NUDT21: variants seen among roughly 807,000 people sequenced by gnomAD.
NUDT21 encodes the protein cleavage and polyadenylation specificity factor subunit 5.
A neutral mutation model predicts 29.8 loss-of-function variants in NUDT21; 5 were observed. The ratio of observed to expected loss-of-function variants is 0.17; its 90% CI spans 0.09 to 0.35. NUDT21 has a LOEUF of 0.35. NUDT21 is among the 10% of genes least tolerant of loss of function. NUDT21 has a pLI of 1.00. For synonymous variants in NUDT21, 113 were observed against 98.5 expected (o/e 1.15, Z -0.87); for missense variants, 76 against 276.0 (o/e 0.28, Z 5.13).
intron 3 of NUDT21, 148 bp downstream of exon 3, chr16:56,446,478 A>C (rs1596957646): frequency 3.8e-6 from 2 of 522,032 alleles, no homozygotes. Context: ...AACTTGTAAA[A>C]AAAAATCAAC....
rs1473687805 is a variant in NUDT21 at position 56,432,214 on chromosome 16, T to C, written c.*498A>G. 6.5e-6 allele frequency: 1 copy of C among 152,984 alleles called. No homozygotes were observed. Among genetic ancestry groups the C allele is most frequent in the Admixed American group, 6.5e-5 (1 of 15,396 alleles). The allele number at this position is 152,984 out of a possible 1,614,324, so 9.5% of individuals were successfully genotyped here. Reference sequence around the variant, plus strand: ...TGGGAGTTCTCTGCAACACAATTCATTTAGGAGTTGCACCTTGGACTCACT... The same window carrying C: ...TGGGAGTTCTCTGCAACACAATTCACTTAGGAGTTGCACCTTGGACTCACT... On this transcript the variant is annotated 3_prime_UTR_variant, in exon 7 of 7. Transcript: ENST00000300291.
intron 6 of NUDT21, 62 bp from the exon 7 acceptor site, chr16:56,432,795 T>G: frequency 1.6e-6 from 2 of 1,219,396 alleles, no homozygotes; most frequent in Admixed American, 2.1e-5. Flanking sequence ...CCATATTAGA[T>G]AAATAAATTT....
At chr16:56,439,599 T>G (rs1012422647) in intron 4 of NUDT21, 58 bp downstream of exon 4, 1 of 1,090,364 alleles carries the variant, frequency 9.2e-7, no homozygotes, top group Middle Eastern at 2.0e-4. Flanking sequence ...TTAAAGTGGC[T>G]AGAATTAAAC....
At chr16:56,439,563 C>T (rs1214271588) in intron 4 of NUDT21, 94 bp downstream of exon 4, 1 of 849,316 alleles carries the variant, frequency 1.2e-6, no homozygotes, top group African/African-American at 1.7e-5. Context: ...AAGAAAATTT[C>T]AAGTCAAATT....
intron 4 of NUDT21, among the ~76,000 whole-genome samples, chr16:56,438,719 A>C (rs1962129832): frequency 1.3e-5 from 2 of 151,982 alleles, no homozygotes; most frequent in African/African-American, 4.8e-5. Context: ...GGAAACAGCT[A>C]CATATTCAAC....
intron 4 of NUDT21, among the ~76,000 whole-genome samples, chr16:56,437,758 T>C (rs1417645450): frequency 6.6e-6 from 1 of 152,216 alleles, no homozygotes; most frequent in Non-Finnish European, 1.5e-5. Context: ...TGCTGCTTCC[T>C]GGAATCACCT....
chr16:56,450,317 G>A (rs1037482316), intron 1 of NUDT21, among the ~76,000 whole-genome samples: 5 of 152,208 alleles, frequency 3.3e-5, no homozygotes, highest in African/African-American at 1.2e-4. Context: ...CTGCTTCTGA[G>A]AATGACCTTG....
chr16:56,437,342 TA>T (rs1415381986), intron 4 of NUDT21, among the ~76,000 whole-genome samples: 1 of 152,184 alleles, frequency 6.6e-6, no homozygotes, highest in Non-Finnish European at 1.5e-5. Flanking sequence ...GTTCCACCAT[TA>T]GCAAAAATAG....
At chr16:56,436,112 C>CA (rs1241976688) in intron 4 of NUDT21, among the ~76,000 whole-genome samples, 5 of 148,686 alleles carry the variant, frequency 3.4e-5, no homozygotes, top group Admixed American at 6.7e-5. Context: ...TGACACAGAA[C>CA]AAAAAAAAAG....
intron 2 of NUDT21, among the ~76,000 whole-genome samples, chr16:56,447,320 T>G (rs1962230675): frequency 3.3e-5 from 5 of 152,216 alleles, no homozygotes; most frequent in Admixed American, 3.3e-4. Flanking sequence ...AAGAACGTCA[T>G]CTAAGTATTG....
intron 3 of NUDT21, among the ~76,000 whole-genome samples, chr16:56,444,161 G>A (rs1962190185): frequency 6.6e-6 from 1 of 152,148 alleles, no homozygotes; most frequent in Non-Finnish European, 1.5e-5. Context: ...GCACATACCT[G>A]CAGTCCTAGC....
rs372570383 is a variant in NUDT21, at chr16:56,441,602, T to C, written c.382-1856A>G. On this transcript the variant is annotated intron_variant, in intron 3 of 6. Coordinates refer to ENST00000300291, the MANE Select transcript of NUDT21 (RefSeq NM_007006.3). Reference sequence around the variant, plus strand: ...TCTACTATGAATGAGAATTTAGATATTAAAATCACACATCCTAGTTACACT... The same window carrying C: ...TCTACTATGAATGAGAATTTAGATACTAAAATCACACATCCTAGTTACACT... 3.3e-5 allele frequency among the ~76,000 whole-genome samples: 5 copies of C among 152,362 alleles called. No individual in the cohort carries two copies. In the East Asian group the frequency reaches 5.8e-4, roughly 18 times the overall value.
chr16:56,446,500 C>A, intron 3 of NUDT21, 126 bp downstream of exon 3: 2 of 571,278 alleles, frequency 3.5e-6, no homozygotes, highest in South Asian at 2.4e-5. Flanking sequence ...TTGTACTAAC[C>A]TTCTGGAGTT....
chr16:56,434,469 T>C (rs777841597), intron 5 of NUDT21, 24 bp from the exon 6 acceptor site: 1 of 1,243,584 alleles, frequency 8.0e-7, no homozygotes, highest in Non-Finnish European at 1.2e-6. Flanking sequence ...GAATTCATTA[T>C]TATAAGTTAT....
At chr16:56,447,764 G>A (rs1284724276) in intron 2 of NUDT21, 25 bp downstream of exon 2, 4 of 1,607,634 alleles carry the variant, frequency 2.5e-6, no homozygotes, top group Non-Finnish European at 3.4e-6. Flanking sequence ...AAACTGTCTT[G>A]CTGTTAATTT....
intron 6 of NUDT21, among the ~76,000 whole-genome samples, chr16:56,433,854 T>G (rs913993352): frequency 6.6e-6 from 1 of 152,058 alleles, no homozygotes; most frequent in South Asian, 2.1e-4. Flanking sequence ...GCCTCACTAA[T>G]TTTTGTATTT....
intron 3 of NUDT21, among the ~76,000 whole-genome samples, chr16:56,445,989 A>T (rs1012385323): frequency 5.3e-5 from 8 of 152,352 alleles, no homozygotes; most frequent in African/African-American, 1.7e-4. Context: ...CTTTTTGCAC[A>T]GAGAATATAT....
intron 4 of NUDT21, among the ~76,000 whole-genome samples, chr16:56,438,888 G>C (rs549359558): frequency 6.6e-6 from 1 of 152,008 alleles, no homozygotes; most frequent in African/African-American, 2.4e-5. Context: ...ATCAGGATAC[G>C]CGAACAGTGA....
At chr16:56,438,226 G>A (rs1234886413) in intron 4 of NUDT21, among the ~76,000 whole-genome samples, 2 of 152,172 alleles carry the variant, frequency 1.3e-5, no homozygotes, top group South Asian at 2.1e-4. Flanking sequence ...ATCACAGACT[G>A]AGGCTTCCTA....
Sources: gnomAD v4.1 joint callset for allele counts (sites outside exome capture counted in the v4.1 genomes callset) on GRCh38, gnomAD v4.1.1 for gene constraint, MANE v1.5 for transcripts, NCBI Gene and HGNC (gene_info 2026-07-23, HGNC 2026-07-21) for gene names.